CACNA1E: variants seen among roughly 807,000 people sequenced by gnomAD.
CACNA1E encodes voltage-dependent R-type calcium channel subunit alpha-1E.
Under a neutral mutation model 259.2 loss-of-function variants are expected in CACNA1E, and 40 were observed. The ratio of observed to expected loss-of-function variants is 0.15; its 90% CI spans 0.12 to 0.20. The LOEUF (loss-of-function observed/expected upper bound fraction) is 0.20, where lower values mean the gene tolerates loss of function less well. CACNA1E is among the 10% of genes least tolerant of loss of function. The pLI is 1.00. For missense variants in CACNA1E, 1,874 were observed against 3,040.1 expected, an observed-to-expected ratio of 0.62 and a Z score of 9.02; for synonymous variants, 1,104 against 1,138.5, an observed-to-expected ratio of 0.97 and a Z score of 0.61.
intron 7 of CACNA1E, among the ~76,000 whole-genome samples, chr1:181,694,017 T>A (rs921563546): frequency 2.6e-5 from 4 of 152,148 alleles, no homozygotes; most frequent in Non-Finnish European, 5.9e-5. Context: ...ACTTCTCAAC[T>A]CATTTGATGT....
intron 7 of CACNA1E, among the ~76,000 whole-genome samples, chr1:181,708,800 TTAA>T (rs1266528367): frequency 1.3e-5 from 2 of 152,204 alleles, no homozygotes; most frequent in Non-Finnish European, 2.9e-5. Flanking sequence ...GTTGTAAAGA[TTAA>T]ATGAGCAAAA....
chr1:181,584,018 G>A (rs901836159), intron 6 of CACNA1E, among the ~76,000 whole-genome samples: 2 of 152,048 alleles, frequency 1.3e-5, no homozygotes, highest in South Asian at 2.1e-4. Context: ...ACTGTGGCTC[G>A]CTAACCCTCT....
intron 39 of CACNA1E, 36 bp downstream of exon 39, chr1:181,781,559 C>T (rs781400181): frequency 1.9e-6 from 2 of 1,071,014 alleles, no homozygotes; most frequent in South Asian, 2.7e-5. Context: ...GGCTACAGAC[C>T]AACAGGAAAT....
rs1658249027 is a variant in CACNA1E at position 181,758,120 on chromosome 1, A to G, written c.4494+9A>G. ...TTGTGCTGATGATGAAGGTGAGAGG[A>G]GAGAGGCACAAGAGCCGACTGAGCC... On this transcript the variant is annotated intron_variant, in intron 31 of 47. Transcript: ENST00000367573. The surrounding 1 kb of genome is among the most constrained non-coding windows in gnomAD (Gnocchi z 4.2). 1 of 1,611,926 alleles carries G rather than the reference A, an allele frequency of 6.2e-7. No homozygotes were observed. The highest frequency in any genetic ancestry group is 1.3e-5 in the African/African-American group (1 of 74,826).
intron 34 of CACNA1E, among the ~76,000 whole-genome samples, chr1:181,764,688 T>G (rs1658878069): frequency 6.6e-6 from 1 of 152,208 alleles, no homozygotes; most frequent in Non-Finnish European, 1.5e-5. Flanking sequence ...TTTTCTAAAG[T>G]TAGATATGGA....
chr1:181,490,652 G>A (rs965246180), intron 1 of CACNA1E, among the ~76,000 whole-genome samples: 10 of 150,614 alleles, frequency 6.6e-5, no homozygotes, highest in African/African-American at 2.5e-4. Flanking sequence ...GTCTTTTGCT[G>A]CATTTTTGCT....
intron 6 of CACNA1E, among the ~76,000 whole-genome samples, chr1:181,610,011 T>A (rs1195543641): frequency 3.3e-5 from 5 of 152,190 alleles, no homozygotes; most frequent in Non-Finnish European, 2.9e-5. Flanking sequence ...TGTTATCCAG[T>A]TTTGTGGCCC....
Position 181,713,216 on chromosome 1 carries a change from T to TG in CACNA1E, c.1172-2116dup, listed in dbSNP as rs565538356. 8.5e-5 allele frequency among the ~76,000 whole-genome samples: 13 copies of TG among 152,272 alleles called. 1 individual carries two copies. The highest frequency in any genetic ancestry group is 6.5e-4 in the Admixed American group (10 of 15,304). ...AGCACCACACACCTTCCATCTGTCC[T>TG]GGGGGGTCCCCAGATCTGCTCACCC... On this transcript the variant is annotated intron_variant, in intron 8 of 47. Coordinates refer to ENST00000367573, the MANE Select transcript of CACNA1E (RefSeq NM_001205293.3).
At chr1:181,513,949 TCA>T (rs1381155608) in intron 3 of CACNA1E, among the ~76,000 whole-genome samples, 6 of 152,158 alleles carry the variant, frequency 3.9e-5, no homozygotes, top group African/African-American at 1.2e-4. Flanking sequence ...CCATATGAAC[TCA>T]CAGGACTTTG....
intron 19 of CACNA1E, 147 bp downstream of exon 19, chr1:181,731,378 C>A: frequency 1.5e-6 from 1 of 687,010 alleles, no homozygotes; most frequent in South Asian, 1.6e-5. Flanking sequence ...TTCACATGAT[C>A]TGTGGATATG....
intron 3 of CACNA1E, among the ~76,000 whole-genome samples, chr1:181,554,593 A>C (rs1648529652): frequency 6.6e-6 from 1 of 152,226 alleles, no homozygotes; most frequent in African/African-American, 2.4e-5. Context: ...TAGTGATACT[A>C]ATGGTCCTCA....
chr1:181,415,683 G>A (rs533343760), intron 2 of CACNA1E, among the ~76,000 whole-genome samples: 6 of 152,182 alleles, frequency 3.9e-5, no homozygotes, highest in Non-Finnish European at 7.3e-5. Context: ...TCCACAGGGC[G>A]ATGGGGTCAG....
At chr1:181,475,492 A>G (rs1388957824) in intron 2 of CACNA1E, among the ~76,000 whole-genome samples, 2 of 152,086 alleles carry the variant, frequency 1.3e-5, no homozygotes, top group African/African-American at 4.8e-5. Context: ...TAGGAGTGGG[A>G]GAAGCAGAAA....
rs1366077835 is a variant in CACNA1E, at chr1:181,483,960, C to T, written c.216C>T (p.Phe72=). 1 of 1,613,694 alleles carries T rather than the reference C, an allele frequency of 6.2e-7. No homozygotes were observed. The highest frequency in any genetic ancestry group is 1.1e-5 in the South Asian group (1 of 91,068). The change falls in exon 1 of 48, where the codon TTC becomes TTT. Residue 72 remains phenylalanine, a synonymous_variant. Coordinates refer to ENST00000367573, the MANE Select transcript of CACNA1E (RefSeq NM_001205293.3). ...CFTVNRSLFI[F]GEDNIVRKYA... is the part of the protein sequence containing the mutation. Reference sequence around the variant, plus strand: ...CCGTCAACAGATCCCTGTTCATCTTCGGAGAAGATAACATTGTCAGGAAAT... The same window carrying T: ...CCGTCAACAGATCCCTGTTCATCTTTGGAGAAGATAACATTGTCAGGAAAT...
intron 6 of CACNA1E, among the ~76,000 whole-genome samples, chr1:181,594,642 C>G (rs1296641436): frequency 6.6e-6 from 1 of 152,232 alleles, no homozygotes; most frequent in Non-Finnish European, 1.5e-5. Flanking sequence ...AAGTGATCCA[C>G]CTGCCATGGC....
intron 30 of CACNA1E, 114 bp from the exon 31 acceptor site, chr1:181,757,833 C>T: frequency 8.5e-7 from 1 of 1,175,278 alleles, no homozygotes; most frequent in Non-Finnish European, 1.2e-6. Context: ...CTTTACTTGC[C>T]CAGCCCTGCC....
chr1:181,742,552 G>A (rs1268935942), intron 25 of CACNA1E, among the ~76,000 whole-genome samples: 2 of 152,150 alleles, frequency 1.3e-5, no homozygotes, highest in East Asian at 3.8e-4. Context: ...TTGAGCTATG[G>A]TGGTTGCCAT....
intron 25 of CACNA1E, among the ~76,000 whole-genome samples, chr1:181,743,559 A>C (rs956186622): frequency 6.6e-6 from 1 of 152,232 alleles, no homozygotes; most frequent in African/African-American, 2.4e-5. Flanking sequence ...GATTACATTC[A>C]TGAACCTCAC....
At chr1:181,710,712 G>C (rs974555964) in intron 7 of CACNA1E, among the ~76,000 whole-genome samples, 5 of 152,222 alleles carry the variant, frequency 3.3e-5, no homozygotes, top group Non-Finnish European at 7.3e-5. Flanking sequence ...AACAGAGCAA[G>C]CAATCAGTTG....
Sources: allele counts gnomAD v4.1 joint callset (sites outside exome capture counted in the v4.1 genomes callset), GRCh38; gene constraint gnomAD v4.1.1; non-coding constraint Gnocchi (gnomAD v3.1); transcripts MANE v1.5; gene names NCBI Gene and HGNC (gene_info 2026-07-23, HGNC 2026-07-21).